Variants in TAOK2 observed in about 807,000 individuals in gnomAD.
TAOK2 encodes serine/threonine-protein kinase TAO2.
A neutral mutation model predicts 122.5 loss-of-function variants in TAOK2; 42 were observed. The ratio of observed to expected loss-of-function variants is 0.34; its 90% CI spans 0.27 to 0.44. The LOEUF (loss-of-function observed/expected upper bound fraction) is 0.44, where lower values mean the gene tolerates loss of function less well. TAOK2 is among the 20% of genes least tolerant of loss of function. TAOK2 has a pLI of 1.00. For synonymous variants in TAOK2, 704 were observed against 677.6 expected, an observed-to-expected ratio of 1.04 and a Z score of -0.61; for missense variants, 1,264 against 1,644.9, an observed-to-expected ratio of 0.77 and a Z score of 4.01.
chr16:29,989,074 C>T (rs2069902737), downstream of TAOK2: 1 of 985,298 alleles, frequency 1.0e-6, no homozygotes, highest in Admixed American at 6.1e-5. Context: ...GCTGCTGGAC[C>T]TGGGACTTCC....
intron 8 of TAOK2, chr16:29,981,255 T>C: frequency 4.4e-6 from 2 of 451,846 alleles, no homozygotes; most frequent in Non-Finnish European, 7.8e-6. Flanking sequence ...TTGATGTTAT[T>C]TTTTCAGTCC....
rs539032441 is a variant in TAOK2, at chr16:29,981,842, C to T, written c.750-17C>T. On this transcript the variant is annotated splice_polypyrimidine_tract_variant and intron_variant, in intron 9 of 15. Transcript: ENST00000308893. Reference sequence around the variant, plus strand: ...CATGCCTTCCCCACCCCTCTCCCACCCTCCTGTGACTTTCAGGTCTGAGTA... The same window carrying T: ...CATGCCTTCCCCACCCCTCTCCCACTCTCCTGTGACTTTCAGGTCTGAGTA... The T allele has an allele frequency of 6.2e-7, 1 of 1,612,622 alleles. No individual in the cohort carries two copies.
At chr16:29,982,686 T>TG (rs774493353) in intron 10 of TAOK2, 48 bp from the exon 11 acceptor site, 7 of 1,585,784 alleles carry the variant, frequency 4.4e-6, no homozygotes, top group Non-Finnish European at 5.1e-6. Context: ...CTGTGGGTTG[T>TG]GGGGGGAAGG....
rs1286967853 is a variant in TAOK2 at position 29,985,250 on chromosome 16, C to A, written c.1460C>A (p.Ala487Glu). 1 of 1,547,620 alleles carries A rather than the reference C, an allele frequency of 6.5e-7. No individual in the cohort carries two copies. The highest frequency in any genetic ancestry group is 8.7e-7 in the Non-Finnish European group (1 of 1,145,462). ...ATCCAGGAGCATGAGCAGGACTCTG[C>A]GCTGCGGGAGCAGCTGAGCGGCTAT... Reference protein sequence around the residue: ...RQIQEHEQDSALREQLSGYKR... With the variant: ...RQIQEHEQDSELREQLSGYKR... The change falls in exon 14 of 16, where the codon GCG becomes GAG. Residue 487 changes from alanine (A) to glutamate (E), a missense_variant. Ala to Glu is a moderately radical substitution (Grantham distance 107, BLOSUM62 -1). This residue lies in a region of TAOK2 where 64 missense variants were observed against 115.7 expected (regional missense o/e 0.55). Coordinates refer to ENST00000308893, the MANE Select transcript of TAOK2 (RefSeq NM_016151.4). The surrounding 1 kb of genome is among the most constrained non-coding windows in gnomAD (Gnocchi z 6.9).
chr16:29,980,071 C>T (rs969421196), intron 8 of TAOK2, among the ~76,000 whole-genome samples: 1 of 152,142 alleles, frequency 6.6e-6, no homozygotes, highest in African/African-American at 2.4e-5. Flanking sequence ...TAAGTGCAGG[C>T]CTGGGGAACT....
downstream of TAOK2, chr16:29,991,443 G>A: frequency 1.3e-6 from 2 of 1,513,316 alleles, no homozygotes; most frequent in Non-Finnish European, 1.8e-6. The surrounding 1 kb of genome is among the most constrained non-coding windows in gnomAD (Gnocchi z 5.6). Context: ...CCTGCGGCGG[G>A]CAGCCTCGGG....
At position 29,986,424 on chromosome 16, in the gene TAOK2, C is replaced by T. The variant is rs140189176; in HGVS notation, c.2152C>T (p.Leu718=). Residue 718 remains leucine (L), a synonymous_variant, in exon 16 of 16, where the codon CTG becomes TTG. Coordinates refer to ENST00000308893, the MANE Select transcript of TAOK2 (RefSeq NM_016151.4). This position sits in a 1 kb window ranked among gnomAD's most constrained non-coding sequence, Gnocchi z 4.2. ...LQHQTELGNQ[L]EYNKRREQEL... ...GCACCAGACGGAGCTGGGCAACCAG[C>T]TGGAGTACAACAAGCGGCGTGAGCA... 5.0e-6 allele frequency: 8 copies of T among 1,611,236 alleles called. No individual in the cohort carries two copies. The African/African-American group carries it at 1.1e-4, about 21-fold the overall frequency.
In TAOK2 at chr16:29,979,597, G is replaced by A; in HGVS notation, c.655+89G>A. ...CGGACTACCCCCTTCTCCTAGGGAT[G>A]GGATCCCAGGCCTCCAAGTTCCTGT... On this transcript the variant is annotated intron_variant, in intron 8 of 15. Transcript: ENST00000308893. This position sits in a 1 kb window ranked among gnomAD's most constrained non-coding sequence, Gnocchi z 4.1. 1 of 1,082,518 alleles carries A rather than the reference G, an allele frequency of 9.2e-7. No individual in the cohort carries two copies. Among genetic ancestry groups the A allele is most frequent in the Non-Finnish European group, 1.3e-6 (1 of 775,546 alleles). The allele number at this position is 1,082,518 out of a possible 1,614,324, so 67.1% of individuals were successfully genotyped here.
downstream of TAOK2, chr16:29,990,671 A>T: frequency 9.9e-7 from 1 of 1,010,246 alleles, no homozygotes; most frequent in Non-Finnish European, 1.4e-6. Flanking sequence ...CCATTCTGAT[A>T]GATGTTGAGA....
At position 29,987,345 on chromosome 16, in the gene TAOK2, G is replaced by A. The variant is rs1261463041; in HGVS notation, c.3073G>A (p.Ala1025Thr). ...TTTCCTACTCCTGGCCCAGGGTACC[G>A]CACTGGGGGCCGTCCTGGGCCTGAG... ...SLFLLLAQGT[A>T]LGAVLGLSWR... Residue 1025 changes from alanine (A) to threonine (T), a missense_variant, in exon 16 of 16, where the codon GCA (alanine) becomes ACA (threonine). This residue lies in a region of TAOK2 where 824 missense variants were observed against 908.7 expected (regional missense o/e 0.91). Transcript: ENST00000308893. 2 of 1,564,084 alleles carry A rather than the reference G, an allele frequency of 1.3e-6. No individual in the cohort carries two copies. Among genetic ancestry groups the A allele is most frequent in the Admixed American group, 1.9e-5 (1 of 52,348 alleles).
chr16:29,987,519 C>T lies in TAOK2; in HGVS notation c.3247C>T (p.Arg1083Ter). 1.2e-6 allele frequency: 2 copies of T among 1,609,296 alleles called. No individual in the cohort carries two copies. The highest frequency in any genetic ancestry group is 1.7e-6 in the Non-Finnish European group (2 of 1,177,216). The change falls in exon 16 of 16, where the codon CGA becomes TGA. Residue 1083 changes from arginine (R) to a stop codon, truncating the protein, a stop_gained. Transcript: ENST00000308893. LOFTEE classifies it high-confidence loss of function. ...QGPRVRRGIS[R>*]LWLRVLLRLS... ...CCCCCGGGTGCGCCGGGGCATATCTCGACTCTGGTTGCGGGTTCTGCTGCG... is the reference window on the plus strand; with the variant it reads ...CCCCCGGGTGCGCCGGGGCATATCTTGACTCTGGTTGCGGGTTCTGCTGCG...
Position 29,985,698 on chromosome 16 carries a change from C to G in TAOK2, c.1829C>G (p.Ala610Gly), listed in dbSNP as rs1418267815. 2 of 1,608,332 alleles carry G rather than the reference C, an allele frequency of 1.2e-6. No homozygotes were observed. Among genetic ancestry groups the G allele is most frequent in the Non-Finnish European group, 1.7e-6 (2 of 1,177,812 alleles). Residue 610 changes from alanine (A) to glycine (G), a missense_variant, in exon 15 of 16, where the codon GCC becomes GGC. Transcript: ENST00000308893. The surrounding 1 kb of genome is among the most constrained non-coding windows in gnomAD (Gnocchi z 6.9). ...ENPSTPKREKAEWLLRQKEQL... is the reference protein window; with the variant it reads ...ENPSTPKREKGEWLLRQKEQL... ...CCCAGCACTCCCAAGCGGGAGAAGG[C>G]CGAGTGGCTGCTGCGGCAGAAGGAG...
At chr16:29,988,470 C>A, downstream of TAOK2, 1 of 1,224,032 alleles carries the variant, frequency 8.2e-7, no homozygotes, top group Non-Finnish European at 1.0e-6. Context: ...CAGGCTGACC[C>A]TCGGCCCGGC....
rs750925824 is a variant in TAOK2, at chr16:29,987,648, C to T, written c.3376C>T (p.Arg1126Cys). The T allele has an allele frequency of 6.8e-6, 11 of 1,613,448 alleles. No homozygotes were observed. Among genetic ancestry groups the T allele is most frequent in the South Asian group, 1.1e-5 (1 of 91,060 alleles). The change falls in exon 16 of 16, where the codon CGC becomes TGC. Residue 1126 changes from arginine (R) to cysteine (C), a missense_variant. Physicochemically the swap from Arg to Cys is radical, Grantham distance 180. This residue lies in a region of TAOK2 where 824 missense variants were observed against 908.7 expected (regional missense o/e 0.91). Coordinates refer to ENST00000308893, the MANE Select transcript of TAOK2 (RefSeq NM_016151.4). ...AACCAACAAGGATGGCTTCCGCAGC[C>T]GCCTGCCCGTCCCTGGGCCCCGGCG... ...PKTNKDGFRSRLPVPGPRRRN... is the reference protein window; with the variant it reads ...PKTNKDGFRSCLPVPGPRRRN...
rs2069510366 is a variant in TAOK2, at chr16:29,978,097, T to C, written c.141T>C (p.Asp47=). The part of the protein sequence containing the change: ...GSFGAVYFAR[D]VRNSEVVAIK... ...CTGGTCTGGTCCTCTAGGCCCGGGA[T>C]GTCCGGAATAGTGAGGTGGTGGCCA... Residue 47 remains aspartate (D), a synonymous_variant, in exon 3 of 16, where the codon GAT becomes GAC. Transcript: ENST00000308893. The C allele has an allele frequency of 6.2e-7, 1 of 1,614,074 alleles. No homozygotes were observed. The highest frequency in any genetic ancestry group is 2.2e-5 in the East Asian group (1 of 44,880).
In TAOK2 at chr16:29,979,589, CTAGGGA is replaced by C; in HGVS notation, c.655+83_655+88del. 1 of 1,177,860 alleles carries C rather than the reference CTAGGGA, an allele frequency of 8.5e-7. No homozygotes were observed. The highest frequency in any genetic ancestry group is 1.2e-6 in the Non-Finnish European group (1 of 860,258). 73.0% of individuals were successfully genotyped at this position (1,177,860 alleles called of 1,614,324 possible). A position where few individuals can be genotyped will look rare whatever the true frequency, so the allele number is the denominator to read the frequency against. On this transcript the variant is annotated intron_variant, in intron 8 of 15. Transcript: ENST00000308893. The surrounding 1 kb of genome is among the most constrained non-coding windows in gnomAD (Gnocchi z 4.1). ...CCAGACTCCGGACTACCCCCTTCTC[CTAGGGA>C]TGGGATCCCAGGCCTCCAAGTTCCT...
In TAOK2 at chr16:29,983,098, C is replaced by G. The variant is rs760102729; in HGVS notation, c.1026C>G (p.Ala342=). 2.5e-6 allele frequency: 4 copies of G among 1,613,920 alleles called. No homozygotes were observed. Among genetic ancestry groups the G allele is most frequent in the Admixed American group, 1.7e-5 (1 of 60,002 alleles). ...AGGCCGAGCCCTACATGCACCGGGCCGGGACTCTGACCAGCCTCGAGAGTA... is the reference window on the plus strand; with the variant it reads ...AGGCCGAGCCCTACATGCACCGGGCGGGGACTCTGACCAGCCTCGAGAGTA... ...EEEAEPYMHR[A]GTLTSLESSH... is the part of the protein sequence containing the mutation. The change falls in exon 12 of 16, where the codon GCC becomes GCG. Residue 342 remains alanine (A), a synonymous_variant. Transcript: ENST00000308893.
At chr16:29,991,964 G>A (rs1480271737), downstream of TAOK2, 2 of 165,052 alleles carry the variant, frequency 1.2e-5, no homozygotes, top group Admixed American at 1.3e-4. This position sits in a 1 kb window ranked among gnomAD's most constrained non-coding sequence, Gnocchi z 5.6. Context: ...AGCAGGTCTG[G>A]GGCCTGAGGC....
chr16:29,983,325 G>C lies in TAOK2; in HGVS notation c.1253G>C (p.Arg418Pro). ...TVTSHSSIIH[R>P]LPGSDNLYDD... is the part of the protein sequence containing the mutation. ...ACCTCTCACAGCTCCATTATCCACC[G>C]GCTGCCGGTACACAGCTCACCCTTG... Residue 418 changes from arginine to proline, a missense_variant, in exon 12 of 16, where the codon CGG becomes CCG. By Grantham distance (103) the Arg-to-Pro change is moderately radical. Transcript: ENST00000308893. 1 of 1,596,626 alleles carries C rather than the reference G, an allele frequency of 6.3e-7. No homozygotes were observed. Among genetic ancestry groups the C allele is most frequent in the Non-Finnish European group, 8.5e-7 (1 of 1,176,626 alleles).
Sources: gnomAD v4.1 joint callset for allele counts (sites outside exome capture counted in the v4.1 genomes callset) on GRCh38, gnomAD v4.1.1 for gene constraint, gnomAD v4.1.1 regional missense constraint, Gnocchi (gnomAD v3.1) non-coding constraint, MANE v1.5 for transcripts, NCBI Gene and HGNC (gene_info 2026-07-23, HGNC 2026-07-21) for gene names.